PLCD1: variants seen among roughly 807,000 people sequenced by gnomAD.
PLCD1 encodes the protein phospholipase C delta 1, also known as 1-phosphatidylinositol 4,5-bisphosphate phosphodiesterase delta-1.
A neutral mutation model predicts 87.4 loss-of-function variants in PLCD1; 71 were observed. That is an observed-to-expected ratio of 0.81 (90% CI 0.67 to 0.99). PLCD1 has a LOEUF of 0.99. PLCD1 is among the 50% of genes least tolerant of loss of function. The pLI is 0.00. For synonymous variants in PLCD1, 348 were observed against 399.2 expected (o/e 0.87, Z 1.53); for missense variants, 867 against 1,001.5 (o/e 0.87, Z 1.81).
In PLCD1 at chr3:38,025,947, A is replaced by G. The variant is rs1700303967; in HGVS notation, c.34+3559T>C. On this transcript the variant is annotated intron_variant, in intron 1 of 14. Transcript: ENST00000334661. This position sits in a 1 kb window ranked among gnomAD's most constrained non-coding sequence, Gnocchi z 4.0. The stretch of plus-strand genomic sequence containing the variant: ...ACAGACAAGCACAGCAGTAATAACA[A>G]GAAACTGAAGCGCAGAGTAACTTGC... 6.6e-6 allele frequency among the ~76,000 whole-genome samples: 1 copy of G among 152,252 alleles called. No homozygotes were observed. The highest frequency in any genetic ancestry group is 1.9e-4 in the East Asian group (1 of 5,200).
intron 9 of PLCD1, 62 bp downstream of exon 9, chr3:38,009,591 C>G: frequency 1.9e-6 from 3 of 1,598,766 alleles, no homozygotes; most frequent in Non-Finnish European, 2.6e-6. Flanking sequence ...CAAGGCAGAC[C>G]TCCCACGGGT....
chr3:38,025,505 A>G lies in PLCD1; in HGVS notation c.34+4001T>C, dbSNP rs1281999277. ...TTGCTCAACTAATTCATTGCGACTC[A>G]GCTTGCTGTTGCCTCATTTGTGAAC... is the stretch of plus-strand genomic sequence containing the variant. On this transcript the variant is annotated intron_variant, in intron 1 of 14. Coordinates refer to ENST00000334661, the MANE Select transcript of PLCD1 (RefSeq NM_006225.4). This position sits in a 1 kb window ranked among gnomAD's most constrained non-coding sequence, Gnocchi z 4.0. Among the ~76,000 whole-genome samples the G allele has an allele frequency of 6.6e-6, 1 of 152,058 alleles. No homozygotes were observed. The highest frequency in any genetic ancestry group is 1.5e-5 in the Non-Finnish European group (1 of 68,006).
In PLCD1 at chr3:38,018,795, C is replaced by G. The variant is rs111994313; in HGVS notation, c.199+1393G>C. 6.6e-6 allele frequency among the ~76,000 whole-genome samples: 1 copy of G among 152,158 alleles called. No homozygotes were observed. The highest frequency in any genetic ancestry group is 1.5e-5 in the Non-Finnish European group (1 of 68,018). On this transcript the variant is annotated intron_variant, in intron 2 of 14. Transcript: ENST00000334661. The surrounding 1 kb of genome is among the most constrained non-coding windows in gnomAD (Gnocchi z 5.7). ...CTGGCGCCACAGAGAAAAGGTCAGG[C>G]GGTCACTCCTGTACAGTGTGGCAGC...
chr3:38,021,831 T>C (rs1700237867), intron 1 of PLCD1, among the ~76,000 whole-genome samples: 1 of 152,130 alleles, frequency 6.6e-6, no homozygotes, highest in Non-Finnish European at 1.5e-5. Context: ...GCCTTTTCTT[T>C]TCTGAGCCCA....
intron 1 of PLCD1, among the ~76,000 whole-genome samples, chr3:38,022,311 G>C (rs138171841): frequency 2.6e-5 from 4 of 152,234 alleles, no homozygotes; most frequent in Admixed American, 2.0e-4. Flanking sequence ...CCTGAGACAA[G>C]AGGAGGCAGA....
At chr3:38,024,774 C>CG in intron 1 of PLCD1, 1 of 1,285,876 alleles carries the variant, frequency 7.8e-7, no homozygotes, top group Non-Finnish European at 1.0e-6. Flanking sequence ...ATACAGGAGG[C>CG]GGGACGAGAA....
rs1575343686 is a variant in PLCD1, at chr3:38,007,638, C to T, written c.*135G>A. The stretch of plus-strand genomic sequence containing the variant: ...TGGTCCCCAGGGAGGCAGCAGCAGA[C>T]ACTATGTTAGGGCTGAAGGCAATTT... On this transcript the variant is annotated 3_prime_UTR_variant, in exon 15 of 15. Coordinates refer to ENST00000334661, the MANE Select transcript of PLCD1 (RefSeq NM_006225.4). 1 of 734,138 alleles carries T rather than the reference C, an allele frequency of 1.4e-6. No individual in the cohort carries two copies. The highest frequency in any genetic ancestry group is 3.5e-4 in the Middle Eastern group (1 of 2,840). 45.5% of individuals were successfully genotyped at this position (734,138 alleles called of 1,614,324 possible).
chr3:38,008,772 C>G, intron 11 of PLCD1, 136 bp from the exon 12 acceptor site: 1 of 790,470 alleles, frequency 1.3e-6, no homozygotes, highest in South Asian at 1.5e-5. Context: ...GCCTGCTGCC[C>G]TCCTGCCACC....
Position 38,029,635 on chromosome 3 carries a change from A to G in PLCD1, c.-96T>C. ...GGTCCGAGCGGAGTGCGGTGCAGGG[A>G]CCTGAATGGACCGCGGTGGGAGGAG... On this transcript the variant is annotated 5_prime_UTR_variant, in exon 1 of 15. Transcript: ENST00000334661. 1.8e-6 allele frequency: 2 copies of G among 1,107,596 alleles called. No individual in the cohort carries two copies. The highest frequency in any genetic ancestry group is 4.4e-5 in the Admixed American group (2 of 45,444). The allele number at this position is 1,107,596 out of a possible 1,614,324, so 68.6% of individuals were successfully genotyped here. A position where few individuals can be genotyped will look rare whatever the true frequency, so the allele number is the denominator to read the frequency against.
Position 38,018,398 on chromosome 3 carries a change from G to A in PLCD1, c.200-1679C>T, listed in dbSNP as rs535174008. ...CTGCAGCCCCTCCTCCTGGCAGGAC[G>A]CAGCCCCTCAGCCTCCCACTCATGC... On this transcript the variant is annotated intron_variant, in intron 2 of 14. Transcript: ENST00000334661. The surrounding 1 kb of genome is among the most constrained non-coding windows in gnomAD (Gnocchi z 5.7). 1.3e-5 allele frequency among the ~76,000 whole-genome samples: 2 copies of A among 152,076 alleles called. No individual in the cohort carries two copies. The highest frequency in any genetic ancestry group is 1.9e-4 in the East Asian group (1 of 5,158).
At chr3:38,024,549 G>T in intron 1 of PLCD1, 1 of 1,510,854 alleles carries the variant, frequency 6.6e-7, no homozygotes, top group South Asian at 1.2e-5. Context: ...GTCGCCCTTG[G>T]AGGGGAGCAG....
chr3:38,022,404 C>T (rs1700248791), intron 1 of PLCD1, among the ~76,000 whole-genome samples: 6 of 152,196 alleles, frequency 3.9e-5, no homozygotes. Context: ...GGCTGATGTC[C>T]CTCTAAAGCT....
At position 38,011,384 on chromosome 3, in the gene PLCD1, A is replaced by G. The variant is rs1700074484; in HGVS notation, c.620T>C (p.Met207Thr). 3 of 1,613,566 alleles carry G rather than the reference A, an allele frequency of 1.9e-6. No individual in the cohort carries two copies. In the African/African-American group the frequency reaches 4.0e-5, roughly 22 times the overall value. Residue 207 changes from methionine to threonine, a missense_variant, in exon 5 of 15, where the codon ATG becomes ACG. Coordinates refer to ENST00000334661, the MANE Select transcript of PLCD1 (RefSeq NM_006225.4). ...GTCGATCTCCACCCGCTGGGTCAGC[A>G]TCTTGTAGAAGGCCTCAATCTCCTC... ...EDEEIEAFYK[M>T]LTQRVEIDRT...
intron 1 of PLCD1, among the ~76,000 whole-genome samples, chr3:38,029,097 G>A (rs944816208): frequency 6.6e-6 from 1 of 152,258 alleles, no homozygotes; most frequent in African/African-American, 2.4e-5. Flanking sequence ...AGGCTTTGGG[G>A]AGCCTCTGGG....
chr3:38,008,371 A>T lies in PLCD1; in HGVS notation c.1903-4T>A. 1 of 1,614,210 alleles carries T rather than the reference A, an allele frequency of 6.2e-7. No individual in the cohort carries two copies. The highest frequency in any genetic ancestry group is 8.5e-7 in the Non-Finnish European group (1 of 1,180,024). ...GCAGCTGCTGCCCCGAAATGACCTG[A>T]GGAAAGGCAGAGGACAATGGACAGT... On this transcript the variant is annotated splice_polypyrimidine_tract_variant and splice_region_variant and intron_variant, in intron 12 of 14. Transcript: ENST00000334661.
rs932114823 is a variant in PLCD1, at chr3:38,017,234, C to G, written c.200-515G>C. Among the ~76,000 whole-genome samples the G allele has an allele frequency of 5.9e-5, 9 of 152,146 alleles. No individual in the cohort carries two copies. Among genetic ancestry groups the G allele is most frequent in the African/African-American group, 1.9e-4 (8 of 41,434 alleles). On this transcript the variant is annotated intron_variant, in intron 2 of 14. Transcript: ENST00000334661. The surrounding 1 kb of genome is among the most constrained non-coding windows in gnomAD (Gnocchi z 4.7). ...AAGCCACAAGAGCCACCAGGCCCCT[C>G]TCCTGAACATTCAAGAGACTGGAAC...
At chr3:38,012,187 T>C (rs115915023) in intron 3 of PLCD1, among the ~76,000 whole-genome samples, 7,422 of 151,390 alleles carry the variant, frequency 0.049, 204 homozygotes, top group African/African-American at 0.069. Context: ...TTTTTTTTTT[T>C]TGGGTAGAGA....
chr3:38,008,974 G>C, intron 11 of PLCD1, 68 bp downstream of exon 11: 2 of 1,314,906 alleles, frequency 1.5e-6, no homozygotes, highest in South Asian at 2.4e-5. Context: ...GGCCTTCGAG[G>C]CTCCAGGCCC....
In PLCD1 at chr3:38,018,911, C is replaced by T. The variant is rs1490122072; in HGVS notation, c.199+1277G>A. The T allele has an allele frequency of 6.6e-6, 1 of 152,516 alleles. No individual in the cohort carries two copies. Among genetic ancestry groups the T allele is most frequent in the Non-Finnish European group, 1.5e-5 (1 of 68,264 alleles). 9.4% of individuals were successfully genotyped at this position (152,516 alleles called of 1,614,324 possible). On this transcript the variant is annotated intron_variant, in intron 2 of 14. Transcript: ENST00000334661. This position sits in a 1 kb window ranked among gnomAD's most constrained non-coding sequence, Gnocchi z 5.7. ...CCCTGCCCAGAAATCTTCCATGGCT[C>T]ACAGCCCCAAGGACCCAGCCGGCTC...
Sources: gnomAD v4.1 joint callset for allele counts (sites outside exome capture counted in the v4.1 genomes callset) on GRCh38, gnomAD v4.1.1 for gene constraint, Gnocchi (gnomAD v3.1) non-coding constraint, MANE v1.5 for transcripts, NCBI Gene and HGNC (gene_info 2026-07-23, HGNC 2026-07-21) for gene names.